The following ADGRL2 variants were observed in gnomAD, a reference collection of about 807,000 sequenced individuals.
The protein encoded by ADGRL2 is adhesion G protein-coupled receptor L2.
In ADGRL2, 44 loss-of-function variants were observed where a neutral mutation model predicts 157.4. The observed-to-expected ratio is 0.28, with a 90% confidence interval of 0.22 to 0.36. ADGRL2 has a LOEUF of 0.36. Ranked by LOEUF, ADGRL2 falls within the 10% of genes least tolerant of loss-of-function variation. The pLI, the probability that ADGRL2 is intolerant of heterozygous loss-of-function variation, is 1.00. For missense variants in ADGRL2, 1,510 were observed against 1,768.9 expected, an observed-to-expected ratio of 0.85 and a Z score of 2.63; for synonymous variants, 585 against 624.7, an observed-to-expected ratio of 0.94 and a Z score of 0.95.
rs1651381113 is a variant in ADGRL2, at chr1:81,950,371, AT to A, written c.1398del (p.Leu468CysfsTer9). 6.2e-7 allele frequency: 1 copy of A among 1,613,826 alleles called. No individual in the cohort carries two copies. The highest frequency in any genetic ancestry group is 8.5e-7 in the Non-Finnish European group (1 of 1,179,938). On this transcript the variant is annotated frameshift_variant, in exon 7 of 24. Transcript: ENST00000686636. LOFTEE classifies it high-confidence loss of function. ...AACCAAAATTCCACCTATAACAAAT[AT>A]TTTTCCCCTGCCAGAGAGATTCTGT... ...STTKIPPITN[I>X]FPLPERFCEA...
intron 1 of ADGRL2, among the ~76,000 whole-genome samples, chr1:81,329,887 C>T (rs971626609): frequency 3.9e-5 from 6 of 152,112 alleles, no homozygotes; most frequent in Middle Eastern, 3.2e-3. Flanking sequence ...ATATATTGCT[C>T]TAGAAATTGC....
intron 1 of ADGRL2, chr1:81,426,489 G>A: frequency 2.5e-6 from 1 of 396,918 alleles, no homozygotes; most frequent in Non-Finnish European, 4.9e-6. Flanking sequence ...GTGGCCCCAA[G>A]CCCAATTCCA....
At chr1:81,767,709 G>GA (rs2149332663) in intron 2 of ADGRL2, among the ~76,000 whole-genome samples, 1 of 151,626 alleles carries the variant, frequency 6.6e-6, no homozygotes, top group East Asian at 2.0e-4. Flanking sequence ...CCATCTCTAT[G>GA]AAAAATACAA....
intron 11 of ADGRL2, among the ~76,000 whole-genome samples, chr1:81,964,817 TTTTAAAA>T (rs1656568055): frequency 6.6e-6 from 1 of 152,040 alleles, no homozygotes; most frequent in South Asian, 2.1e-4. Context: ...TACAGATTAT[TTTTAAAA>T]TTTCAATATC....
intron 3 of ADGRL2, among the ~76,000 whole-genome samples, chr1:81,691,431 T>A (rs536005582): frequency 8.5e-5 from 13 of 152,250 alleles, no homozygotes; most frequent in African/African-American, 3.1e-4. Flanking sequence ...AATAATAATT[T>A]AAGAATTCAG....
At chr1:81,466,669 TCACG>T (rs2078060199) in intron 2 of ADGRL2, among the ~76,000 whole-genome samples, 1 of 48,388 alleles carries the variant, frequency 2.1e-5, no homozygotes, top group African/African-American at 6.9e-5. Context: ...TCTCTCTCTC[TCACG>T]CGCGCGCACA....
At chr1:81,593,256 C>A (rs905167150) in intron 3 of ADGRL2, among the ~76,000 whole-genome samples, 16 of 152,142 alleles carry the variant, frequency 1.1e-4, no homozygotes, top group Non-Finnish European at 1.6e-4. Context: ...GCTCAAAGTT[C>A]TCCTATCACC....
At chr1:81,865,018 A>G (rs538625636) in intron 2 of ADGRL2, among the ~76,000 whole-genome samples, 2 of 152,060 alleles carry the variant, frequency 1.3e-5, no homozygotes, top group South Asian at 2.1e-4. Flanking sequence ...AACAAAAAAA[A>G]CCTTACGGCT....
intron 1 of ADGRL2, among the ~76,000 whole-genome samples, chr1:81,405,007 C>T (rs569596400): frequency 3.7e-4 from 57 of 152,218 alleles, no homozygotes; most frequent in African/African-American, 1.3e-3. Flanking sequence ...TCAGTTATTC[C>T]TCAAGAGTGT....
chr1:81,539,640 A>C (rs2079834055), intron 2 of ADGRL2, among the ~76,000 whole-genome samples: 1 of 152,138 alleles, frequency 6.6e-6, no homozygotes, highest in Admixed American at 6.6e-5. Flanking sequence ...CTCCTATAGA[A>C]GTTCTCCCAG....
At chr1:81,341,829 C>T (rs1014977426) in intron 1 of ADGRL2, among the ~76,000 whole-genome samples, 19 of 152,238 alleles carry the variant, frequency 1.2e-4, no homozygotes, top group African/African-American at 3.8e-4. Context: ...CTAGTAAATG[C>T]TAGTAACTGC....
chr1:81,857,073 A>C (rs944715908), intron 2 of ADGRL2, among the ~76,000 whole-genome samples: 2 of 152,030 alleles, frequency 1.3e-5, no homozygotes, highest in Non-Finnish European at 2.9e-5. Context: ...CTTTTTATTC[A>C]TTGTCCTGGA....
intron 1 of ADGRL2, among the ~76,000 whole-genome samples, chr1:81,806,212 G>A (rs1163504879): frequency 6.6e-6 from 1 of 152,032 alleles, no homozygotes; most frequent in Non-Finnish European, 1.5e-5. Context: ...GCTTTTGACT[G>A]TCTGCTTTAT....
intron 2 of ADGRL2, among the ~76,000 whole-genome samples, chr1:81,839,097 A>G (rs185737031): frequency 1.8e-4 from 28 of 152,222 alleles, no homozygotes; most frequent in Admixed American, 5.2e-4. Context: ...AATCAACATT[A>G]GGTAAGAAGG....
chr1:81,452,600 T>G (rs1396109936), intron 2 of ADGRL2, among the ~76,000 whole-genome samples: 1 of 152,232 alleles, frequency 6.6e-6, no homozygotes, highest in Non-Finnish European at 1.5e-5. Context: ...CAAAAATCTT[T>G]CATTCTACAA....
chr1:81,530,803 G>T (rs1170330467), intron 2 of ADGRL2, among the ~76,000 whole-genome samples: 1 of 152,086 alleles, frequency 6.6e-6, no homozygotes, highest in Non-Finnish European at 1.5e-5. Flanking sequence ...TAAATACCTG[G>T]GCTGGGCCTG....
At chr1:81,772,739 T>C (rs1182578617) in intron 2 of ADGRL2, among the ~76,000 whole-genome samples, 1 of 151,448 alleles carries the variant, frequency 6.6e-6, no homozygotes, top group Non-Finnish European at 1.5e-5. Flanking sequence ...AAAAAAAGAG[T>C]AGAAATAAGA....
rs35658951 is a variant in ADGRL2, at chr1:81,919,554, C to CT, written c.287+12335dup. On this transcript the variant is annotated intron_variant, in intron 3 of 23. Coordinates refer to ENST00000686636, the MANE Select transcript of ADGRL2 (RefSeq NM_001366006.2). ...AAAAACATCCTTTAGTAAATGAAAG[C>CT]TTTTTTTTTTTAAGTTTTACTCTTG... Among the ~76,000 whole-genome samples the CT allele has an allele frequency of 1.4e-4, 21 of 148,838 alleles. No individual in the cohort carries two copies. In the South Asian group the frequency reaches 1.7e-3, roughly 12 times the overall value.
chr1:81,388,208 A>G (rs2076471975), intron 1 of ADGRL2, among the ~76,000 whole-genome samples: 1 of 152,132 alleles, frequency 6.6e-6, no homozygotes, highest in African/African-American at 2.4e-5. Context: ...CTGACTGATG[A>G]TTCTCCTGGT....
Sources: gnomAD v4.1 joint callset for allele counts (sites outside exome capture counted in the v4.1 genomes callset) on GRCh38, gnomAD v4.1.1 for gene constraint, MANE v1.5 for transcripts, NCBI Gene and HGNC (gene_info 2026-07-23, HGNC 2026-07-21) for gene names.